The following FYB2 variants were observed in gnomAD, a reference collection of about 807,000 sequenced individuals.
FYB2 encodes FYN binding protein 2, also known as FYN-binding protein 2.
Under a neutral mutation model 94.1 loss-of-function variants are expected in FYB2, and 103 were observed. The ratio of observed to expected loss-of-function variants is 1.09; its 90% CI spans 0.93 to 1.29. The LOEUF (loss-of-function observed/expected upper bound fraction) is 1.29. FYB2 is among the 50% of genes most tolerant of loss of function. FYB2 has a pLI of 0.00. For missense variants in FYB2, 896 were observed against 841.5 expected (o/e 1.06, Z -0.80); for synonymous variants, 293 against 287.9 (o/e 1.02, Z -0.18).
At chr1:56,742,453 A>T (rs546081791) in intron 11 of FYB2, among the ~76,000 whole-genome samples, 2 of 152,224 alleles carry the variant, frequency 1.3e-5, no homozygotes, top group African/African-American at 4.8e-5. Context: ...ACCTGATTCC[A>T]AATTTGAACT....
intron 4 of FYB2, 107 bp from the exon 5 acceptor site, chr1:56,768,045 T>C (rs190317261): frequency 5.0e-6 from 4 of 803,752 alleles, no homozygotes; most frequent in African/African-American, 1.7e-5. Context: ...CTGGCCAATA[T>C]GGTGACCTAA....
chr1:56,780,429 C>T (rs1034322029), intron 4 of FYB2, among the ~76,000 whole-genome samples: 1 of 152,028 alleles, frequency 6.6e-6, no homozygotes, highest in African/African-American at 2.4e-5. Context: ...TTAAGCCTTG[C>T]CCTCTTTTGT....
At chr1:56,747,368 G>A (rs567889668) in intron 9 of FYB2, among the ~76,000 whole-genome samples, 23 of 151,566 alleles carry the variant, frequency 1.5e-4, no homozygotes, top group Admixed American at 8.6e-4. Context: ...TTTAAGCCCC[G>A]CATGCACTAA....
intron 4 of FYB2, among the ~76,000 whole-genome samples, chr1:56,770,716 C>A (rs925115865): frequency 2.0e-5 from 3 of 152,066 alleles, no homozygotes; most frequent in African/African-American, 4.8e-5. Flanking sequence ...CACTAGATTA[C>A]CCTCCAACAA....
At chr1:56,747,562 C>T (rs181067850) in intron 9 of FYB2, among the ~76,000 whole-genome samples, 2 of 151,986 alleles carry the variant, frequency 1.3e-5, no homozygotes, top group South Asian at 4.1e-4. Context: ...CCAGCTTCAC[C>T]CATGTCCTTG....
rs180895713 is a variant in FYB2, at chr1:56,784,532, A to G, written c.953+2643T>C. ...GCACATTATGACATTTACTTGTTCAAACTCACTTATCATTGGCAAGATAAA... is the reference window on the plus strand; with the variant it reads ...GCACATTATGACATTTACTTGTTCAGACTCACTTATCATTGGCAAGATAAA... On this transcript the variant is annotated intron_variant, in intron 4 of 19. Transcript: ENST00000343433. Among the ~76,000 whole-genome samples the G allele has an allele frequency of 1.1e-3, 167 of 152,304 alleles. 1 individual carries two copies. Among genetic ancestry groups the G allele is most frequent in the African/African-American group, 3.8e-3 (159 of 41,578 alleles).
At chr1:56,789,749 G>A (rs1307223906) in intron 2 of FYB2, among the ~76,000 whole-genome samples, 1 of 152,096 alleles carries the variant, frequency 6.6e-6, no homozygotes, top group East Asian at 1.9e-4. Context: ...TTTAACAAAG[G>A]CTTCTGTGGG....
chr1:56,741,469 C>A (rs770126140), intron 12 of FYB2, among the ~76,000 whole-genome samples: 1 of 151,810 alleles, frequency 6.6e-6, no homozygotes, highest in East Asian at 1.9e-4. Flanking sequence ...CATTGATTAC[C>A]CAGCTGATGA....
chr1:56,740,842 C>A, intron 12 of FYB2, 47 bp from the exon 13 acceptor site: 1 of 1,292,090 alleles, frequency 7.7e-7, no homozygotes, highest in East Asian at 2.4e-5. Context: ...TAAGAGAGTA[C>A]TAGAGATAGA....
intron 12 of FYB2, among the ~76,000 whole-genome samples, chr1:56,741,176 A>T (rs1644944138): frequency 1.3e-5 from 2 of 152,114 alleles, no homozygotes; most frequent in Admixed American, 1.3e-4. Context: ...CTCAAGAAAG[A>T]GCAAGAAGAT....
intron 5 of FYB2, among the ~76,000 whole-genome samples, chr1:56,765,206 C>T (rs1645593195): frequency 1.3e-5 from 2 of 152,112 alleles, no homozygotes; most frequent in South Asian, 4.1e-4. Flanking sequence ...TCCCATATGG[C>T]CTTTGCTGAC....
chr1:56,785,551 G>A (rs187252825), intron 4 of FYB2, among the ~76,000 whole-genome samples: 19 of 152,246 alleles, frequency 1.2e-4, no homozygotes, highest in Admixed American at 5.2e-4. Flanking sequence ...CATGAATTGC[G>A]TCTAACACCA....
At chr1:56,737,830 C>G (rs1206683800) in intron 14 of FYB2, among the ~76,000 whole-genome samples, 1 of 152,030 alleles carries the variant, frequency 6.6e-6, no homozygotes, top group Non-Finnish European at 1.5e-5. Context: ...GGTGGGGATA[C>G]AATGCATGCC....
intron 4 of FYB2, among the ~76,000 whole-genome samples, chr1:56,785,996 T>C (rs748473077): frequency 6.6e-5 from 10 of 152,224 alleles, no homozygotes; most frequent in Admixed American, 2.0e-4. Context: ...ACTGGTGTGA[T>C]TGGGCTTGTC....
rs1298076863 is a variant in FYB2 at position 56,784,115 on chromosome 1, C to A, written c.953+3060G>T. ...CTTTAAGATGATTAAAATACATATC[C>A]AAAGAAATACAGCTAGAACACAAAG... On this transcript the variant is annotated intron_variant, in intron 4 of 19. Transcript: ENST00000343433. 2.0e-5 allele frequency among the ~76,000 whole-genome samples: 3 copies of A among 151,842 alleles called. No individual in the cohort carries two copies. The East Asian group carries it at 5.8e-4, about 29-fold the overall frequency.
At chr1:56,722,886 G>A (rs1308925940) in intron 17 of FYB2, among the ~76,000 whole-genome samples, 1 of 152,010 alleles carries the variant, frequency 6.6e-6, no homozygotes, top group Non-Finnish European at 1.5e-5. Context: ...TCTCAGTCCA[G>A]TGTCTAGCAC....
At chr1:56,819,198 T>C in intron 1 of FYB2, 84 bp downstream of exon 1, 2 of 1,596,730 alleles carry the variant, frequency 1.3e-6, no homozygotes, top group East Asian at 2.2e-5. Context: ...CAAGCAGTTT[T>C]TCCCCAGGGC....
chr1:56,803,946 G>A (rs1646579075), intron 1 of FYB2, among the ~76,000 whole-genome samples: 1 of 152,140 alleles, frequency 6.6e-6, no homozygotes, highest in Non-Finnish European at 1.5e-5. Flanking sequence ...TCTGGCAATT[G>A]TTCTTAATCC....
chr1:56,819,388 G>C lies in FYB2; in HGVS notation c.-98C>G. ...CTTTCCTCTGTCTCTGCTAGCCAGG[G>C]AGCAATCACTTCCCACAGGACACAC... On this transcript the variant is annotated 5_prime_UTR_variant, in exon 1 of 20. Coordinates refer to ENST00000343433, the MANE Select transcript of FYB2 (RefSeq NM_001004303.5). 4 of 1,530,642 alleles carry C rather than the reference G, an allele frequency of 2.6e-6. No homozygotes were observed. The highest frequency in any genetic ancestry group is 3.6e-6 in the Non-Finnish European group (4 of 1,110,494). The allele number at this position is 1,530,642 out of a possible 1,614,324, so 94.8% of individuals were successfully genotyped here. A position where few individuals can be genotyped will look rare whatever the true frequency, so the allele number is the denominator to read the frequency against.
Sources: gnomAD v4.1 joint callset for allele counts (sites outside exome capture counted in the v4.1 genomes callset) on GRCh38, gnomAD v4.1.1 for gene constraint, MANE v1.5 for transcripts, NCBI Gene and HGNC (gene_info 2026-07-23, HGNC 2026-07-21) for gene names.